Variants in CEP128 observed in about 807,000 individuals in gnomAD.
The protein encoded by CEP128 is centrosomal protein 128kDa.
CEP128 carries 132 observed loss-of-function variants against 156.7 expected under a neutral mutation model. That is an observed-to-expected ratio of 0.84 (90% CI 0.73 to 0.97). The LOEUF (loss-of-function observed/expected upper bound fraction) is 0.97. Ranked by LOEUF, CEP128 falls within the 50% of genes least tolerant of loss-of-function variation. CEP128 has a pLI of 0.00. For synonymous variants in CEP128, 469 were observed against 448.9 expected (o/e 1.04, Z -0.57); for missense variants, 1,252 against 1,281.9 (o/e 0.98, Z 0.36).
chr14:80,838,570 A>G (rs575026393), intron 10 of CEP128, among the ~76,000 whole-genome samples: 37 of 152,222 alleles, frequency 2.4e-4, no homozygotes, highest in African/African-American at 8.9e-4. Flanking sequence ...CCATTCTATC[A>G]TCTCTAAAAT....
At chr14:80,938,608 C>T (rs1275135447) in intron 2 of CEP128, among the ~76,000 whole-genome samples, 1 of 152,098 alleles carries the variant, frequency 6.6e-6, no homozygotes, top group Non-Finnish European at 1.5e-5. Flanking sequence ...AGCCTTTTAT[C>T]TATCGAGCAC....
chr14:80,784,723 T>C (rs1016153985), intron 15 of CEP128, among the ~76,000 whole-genome samples, 172 bp downstream of exon 15: 2 of 152,218 alleles, frequency 1.3e-5, no homozygotes, highest in Admixed American at 1.3e-4. Flanking sequence ...GTGGCTGTTA[T>C]AACTCATTTC....
intron 18 of CEP128, 60 bp from the exon 19 acceptor site, chr14:80,743,327 A>C (rs1898931291): frequency 2.3e-6 from 3 of 1,283,348 alleles, no homozygotes; most frequent in Non-Finnish European, 3.2e-6. Flanking sequence ...AGCATTTCAA[A>C]ACATGAAGAA....
chr14:80,888,480 G>A (rs143674923), intron 8 of CEP128, among the ~76,000 whole-genome samples: 3,314 of 152,180 alleles, frequency 0.022, 41 homozygotes, highest in Middle Eastern at 0.068. Context: ...TTCAACATAC[G>A]CAAATCAATA....
downstream of CEP128, among the ~76,000 whole-genome samples, chr14:80,493,267 C>T (rs1887385636): frequency 6.6e-6 from 1 of 152,146 alleles, no homozygotes; most frequent in South Asian, 2.1e-4. Flanking sequence ...TTTCCTGAAA[C>T]ATTGCAAGTT....
chr14:80,719,762 A>G (rs890488630), intron 19 of CEP128, among the ~76,000 whole-genome samples: 2 of 152,216 alleles, frequency 1.3e-5, no homozygotes, highest in Non-Finnish European at 2.9e-5. Flanking sequence ...AGCCAGGAAG[A>G]ACAATTTGGA....
chr14:80,654,524 A>G (rs137866035), intron 19 of CEP128, among the ~76,000 whole-genome samples: 17 of 152,274 alleles, frequency 1.1e-4, no homozygotes, highest in African/African-American at 4.1e-4. Context: ...TTTCTCATCA[A>G]TCTTGAAAGA....
chr14:80,678,048 AAATATATATATATATG>A (rs11274302), intron 19 of CEP128, among the ~76,000 whole-genome samples: 55,038 of 133,860 alleles, frequency 0.41, 12,822 homozygotes, highest in Non-Finnish European at 0.52. Flanking sequence ...TATAAAAAAA[AAATATATATATATATG>A]TATATATATA....
intron 8 of CEP128, among the ~76,000 whole-genome samples, chr14:80,880,821 C>T (rs1805723231): frequency 6.7e-6 from 1 of 148,450 alleles, no homozygotes; most frequent in Non-Finnish European, 1.5e-5. Flanking sequence ...CAAGATCTCG[C>T]CACTGCACTC....
At chr14:80,630,133 A>G (rs1272303851) in intron 19 of CEP128, among the ~76,000 whole-genome samples, 1 of 151,996 alleles carries the variant, frequency 6.6e-6, no homozygotes, top group Non-Finnish European at 1.5e-5. Flanking sequence ...GTCAATGTAG[A>G]CGTATCGGTT....
chr14:80,803,148 C>T (rs1595426292), intron 13 of CEP128, among the ~76,000 whole-genome samples: 1 of 152,234 alleles, frequency 6.6e-6, no homozygotes, highest in African/African-American at 2.4e-5. Context: ...CAGAGAACCA[C>T]AGGGCATAGT....
At chr14:80,504,838 C>T (rs1887895566) in intron 24 of CEP128, 74 bp downstream of exon 24, 2 of 688,420 alleles carry the variant, frequency 2.9e-6, no homozygotes, top group East Asian at 5.6e-5. Flanking sequence ...ATATACTGGC[C>T]TTAAACTAAT....
At chr14:80,899,143 C>A (rs1340585620) in intron 7 of CEP128, among the ~76,000 whole-genome samples, 1 of 152,192 alleles carries the variant, frequency 6.6e-6, no homozygotes. Context: ...ATTCTCATTA[C>A]AGCCTATACT....
In CEP128 at chr14:80,666,850, G is replaced by A. The variant is rs558750214; in HGVS notation, c.2806+76225C>T. On this transcript the variant is annotated intron_variant, in intron 19 of 24. Coordinates refer to ENST00000555265, the MANE Select transcript of CEP128 (RefSeq NM_152446.5). ...GAACAAAATTAACTTCACAAAAGAC[G>A]GAAGAGGAGAAATAAAATAGAAAAA... 5.3e-5 allele frequency among the ~76,000 whole-genome samples: 8 copies of A among 152,104 alleles called. No homozygotes were observed. In the East Asian group the frequency reaches 7.7e-4, roughly 15 times the overall value.
chr14:80,773,786 T>A (rs1045424675), intron 16 of CEP128, among the ~76,000 whole-genome samples: 4 of 152,178 alleles, frequency 2.6e-5, no homozygotes, highest in Non-Finnish European at 4.4e-5. Context: ...ATCAAAAGAT[T>A]AATATCAGTA....
At chr14:80,805,017 TA>T (rs1884093221) in intron 13 of CEP128, among the ~76,000 whole-genome samples, 1 of 152,068 alleles carries the variant, frequency 6.6e-6, no homozygotes, top group Non-Finnish European at 1.5e-5. Context: ...CACTGTCATG[TA>T]CAACCCAATA....
At chr14:80,693,433 T>A (rs1271093952) in intron 19 of CEP128, among the ~76,000 whole-genome samples, 1 of 152,186 alleles carries the variant, frequency 6.6e-6, no homozygotes, top group East Asian at 1.9e-4. Context: ...TCACAAAAAA[T>A]TGACTTTATT....
At chr14:80,936,104 C>T (rs1414080270) in intron 2 of CEP128, among the ~76,000 whole-genome samples, 13 of 152,202 alleles carry the variant, frequency 8.5e-5, no homozygotes. Context: ...GGACCAGTGC[C>T]TGGGAAGTAC....
rs1366852827 is a variant in CEP128 at position 80,862,847 on chromosome 14, A to G, written c.672T>C (p.Leu224=). ...EVVSDRVERR[L]QELEREMRTE... ...TGCGCATCTCTCTCTCCAGTTCCTGAAGCCGCCGCTCCACCCGATCTGAAA... is the reference window on the plus strand; with the variant it reads ...TGCGCATCTCTCTCTCCAGTTCCTGGAGCCGCCGCTCCACCCGATCTGAAA... Residue 224 remains leucine, a synonymous_variant, in exon 9 of 25, where the codon CTT becomes CTC. Coordinates refer to ENST00000555265, the MANE Select transcript of CEP128 (RefSeq NM_152446.5). 1 of 1,613,892 alleles carries G rather than the reference A, an allele frequency of 6.2e-7. No homozygotes were observed. Among genetic ancestry groups the G allele is most frequent in the East Asian group, 2.2e-5 (1 of 44,874 alleles).
Sources: allele counts gnomAD v4.1 joint callset (sites outside exome capture counted in the v4.1 genomes callset), GRCh38; gene constraint gnomAD v4.1.1; transcripts MANE v1.5; gene names NCBI Gene and HGNC (gene_info 2026-07-23, HGNC 2026-07-21).